Variants in NDUFAF6 observed in about 807,000 individuals in gnomAD.
The protein encoded by NDUFAF6 is NADH:ubiquinone oxidoreductase complex assembly factor 6, also known as NADH dehydrogenase (ubiquinone) complex I, assembly factor 6.
Under a neutral mutation model 40.8 loss-of-function variants are expected in NDUFAF6, and 45 were observed. The observed-to-expected ratio is 1.10, with a 90% CI of 0.87 to 1.42. The LOEUF (loss-of-function observed/expected upper bound fraction) is 1.42, where lower values mean the gene tolerates loss of function less well. Among genes scored for constraint, NDUFAF6 ranks in the 40% most tolerant of loss-of-function variants. The probability of loss-of-function intolerance (pLI) is 0.00; values close to 1 mark genes in which losing one functional copy is unlikely to be tolerated. For missense variants in NDUFAF6, 435 were observed against 418.5 expected, an observed-to-expected ratio of 1.04 and a Z score of -0.34; for synonymous variants, 185 against 155.9, an observed-to-expected ratio of 1.19 and a Z score of -1.39.
rs780236169 is a variant in NDUFAF6, at chr8:95,048,568, C to CT, written c.816+18dup. The CT allele has an allele frequency of 2.2e-3, 3,526 of 1,588,808 alleles. 9 individuals carry two copies. Among genetic ancestry groups the CT allele is most frequent in the East Asian group, 9.8e-3 (439 of 44,678 alleles). ...CTTGCACCTAAAGCATGTAAGTCGG[C>CT]TTTTTTTTGCCAAATCATTTAGGGA... On this transcript the variant is annotated intron_variant, in intron 7 of 8. Transcript: ENST00000396124.
chr8:94,956,936 T>C (rs1823129793), upstream of NDUFAF6, among the ~76,000 whole-genome samples: 3 of 152,096 alleles, frequency 2.0e-5, no homozygotes, highest in Admixed American at 2.0e-4. Context: ...TTTGTTAGGC[T>C]GAGGTGGGCG....
At position 95,066,287 on chromosome 8, in the gene NDUFAF6, C is replaced by CTTT. The variant is rs11302193; in HGVS notation, c.*512-9325_*512-9323dup. On this transcript the variant is annotated intron_variant and NMD_transcript_variant, in intron 9 of 9. Transcript: ENST00000520757. ...CCATCATGCCTGGCTTGCTTGCTTG[C>CTTT]TTTTTTTTTTTTTTTTTTTTTTTGA... is the stretch of plus-strand genomic sequence containing the variant. 7.2e-3 allele frequency among the ~76,000 whole-genome samples: 600 copies of CTTT among 82,880 alleles called. 16 individuals carry two copies. The highest frequency in any genetic ancestry group is 0.026 in the African/African-American group (536 of 20,528). The allele number at this position is 82,880 out of a possible 152,430, so 54.4% of individuals were successfully genotyped here.
At chr8:95,086,910 G>A (rs1001182320) in intron 2 of NDUFAF6, among the ~76,000 whole-genome samples, 2 of 152,096 alleles carry the variant, frequency 1.3e-5, no homozygotes, top group Non-Finnish European at 2.9e-5. Flanking sequence ...GGCCCCTCTT[G>A]TCTCTTGAGT....
intron 9 of NDUFAF6, among the ~76,000 whole-genome samples, chr8:95,064,462 G>A (rs1245769320): frequency 1.3e-5 from 2 of 152,050 alleles, no homozygotes. Context: ...AAACACAAAA[G>A]TGTAAAGGGA....
rs1479222947 is a variant in NDUFAF6, at chr8:94,958,556, A to T, written c.-199+377A>T. 2.8e-4 allele frequency among the ~76,000 whole-genome samples: 22 copies of T among 78,726 alleles called. No homozygotes were observed. In the Admixed American group the frequency reaches 3.1e-3, roughly 11 times the overall value. 51.6% of individuals were successfully genotyped at this position (78,726 alleles called of 152,430 possible). On this transcript the variant is annotated intron_variant, in intron 1 of 9. Coordinates refer to the NDUFAF6 transcript ENST00000396111. ...TTTTTTTTTTTTTTTTTTTTTTGAG[A>T]TGGAGTCTTGCTCTGTCGCTCAGGC...
intron 2 of NDUFAF6, among the ~76,000 whole-genome samples, chr8:94,998,379 T>TACACACACACACAC (rs200968954): frequency 5.1e-5 from 7 of 138,328 alleles, no homozygotes; most frequent in African/African-American, 1.8e-4. Context: ...TGCAATCAAA[T>TACACACACACACAC]ACACACACAC....
At chr8:94,933,658 G>A (rs1009738169) in intron 1 of NDUFAF6, among the ~76,000 whole-genome samples, 3 of 151,968 alleles carry the variant, frequency 2.0e-5, no homozygotes, top group East Asian at 1.9e-4. Flanking sequence ...CCAGCTAATC[G>A]GGAGGCTGAG....
upstream of NDUFAF6, among the ~76,000 whole-genome samples, chr8:95,023,690 T>C (rs76357268): frequency 6.6e-5 from 10 of 152,008 alleles, no homozygotes; most frequent in East Asian, 1.9e-3. Flanking sequence ...GCCCTGAAAG[T>C]AAGAGTACCA....
chr8:95,035,882 T>C (rs1181332163), intron 3 of NDUFAF6, among the ~76,000 whole-genome samples: 1 of 152,244 alleles, frequency 6.6e-6, no homozygotes, highest in African/African-American at 2.4e-5. Flanking sequence ...TTTGATATAA[T>C]AGCAAGTAAA....
intron 3 of NDUFAF6, among the ~76,000 whole-genome samples, chr8:95,039,359 A>G (rs1440226690): frequency 2.0e-5 from 3 of 151,780 alleles, no homozygotes; most frequent in Non-Finnish European, 4.4e-5. Context: ...AGGCTGAGGC[A>G]GGAGAATCGC....
intron 2 of NDUFAF6, among the ~76,000 whole-genome samples, chr8:95,005,357 A>G (rs1016753218): frequency 1.3e-5 from 2 of 151,734 alleles, no homozygotes; most frequent in Non-Finnish European, 2.9e-5. Flanking sequence ...GCCATTGGTT[A>G]CCTGTGTCTC....
intron 1 of NDUFAF6, among the ~76,000 whole-genome samples, chr8:94,915,657 C>T (rs1436688758): frequency 1.3e-5 from 2 of 152,200 alleles, no homozygotes; most frequent in African/African-American, 2.4e-5. Flanking sequence ...CTGCTTTTCA[C>T]AGGGGCTGAA....
intron 1 of NDUFAF6, among the ~76,000 whole-genome samples, chr8:94,902,220 A>T (rs543615230): frequency 6.6e-6 from 1 of 150,798 alleles, no homozygotes; most frequent in East Asian, 2.0e-4. Flanking sequence ...GGAGTTCAAA[A>T]CCAGCCTGGC....
intron 1 of NDUFAF6, among the ~76,000 whole-genome samples, chr8:94,914,121 T>C (rs1374338433): frequency 6.6e-6 from 1 of 150,714 alleles, no homozygotes; most frequent in Non-Finnish European, 1.5e-5. Context: ...TTTTTTTTTT[T>C]TTTTTCAGTG....
At chr8:94,953,239 C>T (rs542792101), upstream of NDUFAF6, among the ~76,000 whole-genome samples, 13 of 151,808 alleles carry the variant, frequency 8.6e-5, no homozygotes, top group East Asian at 1.9e-4. Context: ...CCCAGCTACT[C>T]GGGAAGCTGA....
rs1249280461 is a variant in NDUFAF6, at chr8:94,896,270, C to CCCGCCG, written c.-936+352_-936+357dup. Among the ~76,000 whole-genome samples, 11 of 148,434 alleles carry CCCGCCG rather than the reference C, an allele frequency of 7.4e-5. No homozygotes were observed. In the East Asian group the frequency reaches 1.9e-3, roughly 26 times the overall value. Reference sequence around the variant, plus strand: ...CCCGGGCCCGCCTGCCGCGCCCCGCCCCGCCGCCGCCGCCAGCGCGCCCTG... The same window carrying CCCGCCG: ...CCCGGGCCCGCCTGCCGCGCCCCGCCCCGCCGCCGCCGCCGCCGCCAGCGCGCCCTG... On this transcript the variant is annotated intron_variant, in intron 1 of 14. Transcript: ENST00000396113.
intron 2 of NDUFAF6, chr8:94,950,703 C>G (rs1361229690): frequency 2.0e-5 from 3 of 152,196 alleles, no homozygotes; most frequent in African/African-American, 7.2e-5. Flanking sequence ...TTTTGCAAAT[C>G]AGGCTTGTTC....
At position 95,088,422 on chromosome 8, in the gene NDUFAF6, T is replaced by C. The variant is rs146237997; in HGVS notation, n.213+12670T>C. Among the ~76,000 whole-genome samples, 61 of 152,316 alleles carry C rather than the reference T, an allele frequency of 4.0e-4. 1 individual carries two copies. Among genetic ancestry groups the C allele is most frequent in the African/African-American group, 1.1e-3 (46 of 41,576 alleles). Reference sequence around the variant, plus strand: ...TGAGCTAGAGTTGAATATTCTTCCATTGGGGGCTGCCTGGCTGGATTCCGC... The same window carrying C: ...TGAGCTAGAGTTGAATATTCTTCCACTGGGGGCTGCCTGGCTGGATTCCGC... On this transcript the variant is annotated intron_variant and non_coding_transcript_variant, in intron 2 of 5. Transcript: ENST00000523184.
chr8:95,018,304 G>A (rs953515499), intron 2 of NDUFAF6, among the ~76,000 whole-genome samples: 3 of 151,758 alleles, frequency 2.0e-5, no homozygotes, highest in Admixed American at 1.3e-4. Flanking sequence ...CCCCAAGTGC[G>A]GTGATTACAG....
Sources: gnomAD v4.1 joint callset for allele counts (sites outside exome capture counted in the v4.1 genomes callset) on GRCh38, gnomAD v4.1.1 for gene constraint, MANE v1.5 for transcripts, NCBI Gene and HGNC (gene_info 2026-07-23, HGNC 2026-07-21) for gene names.